TUBGCP6: variants seen among roughly 807,000 people sequenced by gnomAD.
The protein encoded by TUBGCP6 is gamma-tubulin complex component 6.
In TUBGCP6, 161 loss-of-function variants were observed where a neutral mutation model predicts 175.8. The ratio of observed to expected loss-of-function variants is 0.92; its 90% CI spans 0.81 to 1.04. The LOEUF is 1.04. Among genes scored for constraint, TUBGCP6 ranks in the 50% least tolerant of loss-of-function variants. TUBGCP6 has a pLI of 0.00. For synonymous variants in TUBGCP6, 1,173 were observed against 1,030.5 expected (o/e 1.14, Z -2.65); for missense variants, 2,572 against 2,433.0 (o/e 1.06, Z -1.20).
At chr22:50,231,859 C>CAAAAAAAAA in intron 3 of TUBGCP6, among the ~76,000 whole-genome samples, 1 of 123,074 alleles carries the variant, frequency 8.1e-6, no homozygotes, top group Non-Finnish European at 1.7e-5. Context: ...GACTCCGTCT[C>CAAAAAAAAA]AAAAAAAAAA....
chr22:50,241,325 G>A (rs566723287), intron 1 of TUBGCP6, among the ~76,000 whole-genome samples: 3 of 152,224 alleles, frequency 2.0e-5, no homozygotes, highest in Admixed American at 6.5e-5. Context: ...CTGGGAAGAC[G>A]CCCATTACCT....
intron 13 of TUBGCP6, 127 bp from the exon 14 acceptor site, chr22:50,222,719 A>T: frequency 7.4e-7 from 1 of 1,343,270 alleles, no homozygotes; most frequent in South Asian, 1.4e-5. Context: ...GTCTCCCCCT[A>T]CCAGGGGCTG....
At chr22:50,240,517 A>G (rs1046384307) in intron 1 of TUBGCP6, 150 bp from the exon 2 acceptor site, 29 of 981,220 alleles carry the variant, frequency 3.0e-5, no homozygotes, top group East Asian at 1.3e-4. Flanking sequence ...AATGTTTCCC[A>G]CCAATGAGCC....
At position 50,221,629 on chromosome 22, in the gene TUBGCP6, C is replaced by A. The variant is rs1342176671; in HGVS notation, c.2730G>T (p.Val910=). ...CCAGGAGAGGGACCATGCCAGTCTGCACGGACGGCTCAGCCCCTGGGCCCA... is the reference window on the plus strand; with the variant it reads ...CCAGGAGAGGGACCATGCCAGTCTGAACGGACGGCTCAGCCCCTGGGCCCA... ...LPVGPGAEPS[V]QTGMVPLLEV... is the part of the protein sequence containing the mutation. The change falls in exon 16 of 25, where the codon GTG becomes GTT. Residue 910 remains valine, a synonymous_variant. Coordinates refer to ENST00000248846, the MANE Select transcript of TUBGCP6 (RefSeq NM_020461.4). 6.5e-7 allele frequency: 1 copy of A among 1,538,258 alleles called. No homozygotes were observed. Among genetic ancestry groups the A allele is most frequent in the Non-Finnish European group, 8.8e-7 (1 of 1,141,948 alleles).
Position 50,244,139 on chromosome 22 carries a change from C to T in TUBGCP6, c.321G>A (p.Val107=), listed in dbSNP as rs1370880978. 1.2e-6 allele frequency: 2 copies of T among 1,613,536 alleles called. No individual in the cohort carries two copies. The highest frequency in any genetic ancestry group is 1.7e-6 in the Non-Finnish European group (2 of 1,180,040). Residue 107 remains valine (V), a synonymous_variant, in exon 1 of 25, where the codon GTG becomes GTA. Transcript: ENST00000248846. ...GAACCAGGAGGTCCAAAACAGACCC[C>T]ACCTCCAAAAGCGGACAGCAAGGGG... ...EAAPCCPLLE[V]GSVLDLLVQL... is the part of the protein sequence containing the mutation.
chr22:50,226,637 A>T, intron 7 of TUBGCP6, 96 bp downstream of exon 7: 2 of 1,120,598 alleles, frequency 1.8e-6, no homozygotes, highest in Non-Finnish European at 2.6e-6. Flanking sequence ...TTCCTGTGTG[A>T]CCCCCACATT....
rs769999591 is a variant in TUBGCP6 at position 50,220,683 on chromosome 22, C to T, written c.3676G>A (p.Gly1226Arg). Residue 1226 changes from glycine (G) to arginine (R), a missense_variant, in exon 16 of 25, where the codon GGG (glycine) becomes AGG (arginine). Transcript: ENST00000248846. Reference sequence around the variant, plus strand: ...GGAGCCACGTCCGATACGTTCTCCCCAACCCTGATGCTGGTGTCAGACACA... The same window carrying T: ...GGAGCCACGTCCGATACGTTCTCCCTAACCCTGATGCTGGTGTCAGACACA... ...GHVSDTSIRV[G>R]ENVSDVAPIR... The T allele has an allele frequency of 1.2e-6, 2 of 1,611,046 alleles. No individual in the cohort carries two copies. The highest frequency in any genetic ancestry group is 2.2e-5 in the East Asian group (1 of 44,676).
intron 1 of TUBGCP6, among the ~76,000 whole-genome samples, chr22:50,242,475 C>T (rs950805467): frequency 6.6e-6 from 1 of 152,080 alleles, no homozygotes; most frequent in South Asian, 2.1e-4. Flanking sequence ...CCAGCCTGGG[C>T]GACAGAGCAA....
At chr22:50,231,703 C>CA (rs1392872603) in intron 3 of TUBGCP6, among the ~76,000 whole-genome samples, 22 of 151,258 alleles carry the variant, frequency 1.5e-4, no homozygotes, top group African/African-American at 5.1e-4. Flanking sequence ...ACTAAAAATA[C>CA]AAAAAATTAG....
chr22:50,219,084 T>A lies in TUBGCP6; in HGVS notation c.4610A>T (p.Asp1537Val). The change falls in exon 20 of 25, where the codon GAC (aspartate) becomes GTC (valine). Residue 1537 changes from aspartate to valine, a missense_variant. By Grantham distance (152) the Asp-to-Val change is radical. Coordinates refer to ENST00000248846, the MANE Select transcript of TUBGCP6 (RefSeq NM_020461.4). ...GGAGGCCACCTTCTCAAAGAGCAGG[T>A]CGCTGAGGGACTGGGCGAACTCGCC... ...EDGEFAQSLS[D>V]LLFEKLGAGQ... 6.2e-7 allele frequency: 1 copy of A among 1,612,480 alleles called. No individual in the cohort carries two copies. The highest frequency in any genetic ancestry group is 8.5e-7 in the Non-Finnish European group (1 of 1,179,952).
rs780987973 is a variant in TUBGCP6 at position 50,225,840 on chromosome 22, C to A, written c.1937G>T (p.Arg646Leu). The stretch of plus-strand genomic sequence containing the variant: ...GCTGTGGCGGGCCACCCTCTCCATG[C>A]GCCCAACGTAGACGGCACAGTCCTT... ...IEKDCAVYVG[R>L]MERVARHSSV... The change falls in exon 10 of 25, where the codon CGC becomes CTC. Residue 646 changes from arginine (R) to leucine (L), a missense_variant. Physicochemically the swap from Arg to Leu is moderately radical, Grantham distance 102. Coordinates refer to ENST00000248846, the MANE Select transcript of TUBGCP6 (RefSeq NM_020461.4). 6.2e-7 allele frequency: 1 copy of A among 1,613,730 alleles called. No individual in the cohort carries two copies. The highest frequency in any genetic ancestry group is 8.5e-7 in the Non-Finnish European group (1 of 1,179,940).
rs1287499607 is a variant in TUBGCP6, at chr22:50,226,200, G to T, written c.1694-11C>A. 2 of 1,614,072 alleles carry T rather than the reference G, an allele frequency of 1.2e-6. No individual in the cohort carries two copies. The highest frequency in any genetic ancestry group is 2.2e-5 in the South Asian group (2 of 91,076). ...TCCAGTACAACTTATCTAAGGTAGG[G>T]TGAACACCACGGTGGCCGGCATGGC... is the stretch of plus-strand genomic sequence containing the variant. On this transcript the variant is annotated splice_polypyrimidine_tract_variant and intron_variant, in intron 8 of 24. Coordinates refer to ENST00000248846, the MANE Select transcript of TUBGCP6 (RefSeq NM_020461.4).
chr22:50,220,079 A>G, intron 16 of TUBGCP6, 64 bp from the exon 17 acceptor site: 1 of 1,570,916 alleles, frequency 6.4e-7, no homozygotes, highest in Non-Finnish European at 8.7e-7. Flanking sequence ...TACAGAGCCG[A>G]GCCGGCCCTG....
At chr22:50,243,611 C>G in intron 1 of TUBGCP6, 108 bp downstream of exon 1, 2 of 907,852 alleles carry the variant, frequency 2.2e-6, no homozygotes, top group East Asian at 2.9e-5. Context: ...GAGTGAGACA[C>G]TGTCTCAAAA....
chr22:50,242,546 T>C (rs964338155), intron 1 of TUBGCP6, among the ~76,000 whole-genome samples: 1 of 152,212 alleles, frequency 6.6e-6, no homozygotes, highest in Non-Finnish European at 1.5e-5. Flanking sequence ...TGTAGCATTA[T>C]GTATGTTTCT....
In TUBGCP6 at chr22:50,244,330, C is replaced by G; in HGVS notation, c.130G>C (p.Ala44Pro). 6.2e-7 allele frequency: 1 copy of G among 1,613,574 alleles called. No individual in the cohort carries two copies. The highest frequency in any genetic ancestry group is 8.5e-7 in the Non-Finnish European group (1 of 1,180,040). Reference sequence around the variant, plus strand: ...TCTTGAAAAAGATTTGTGAAAAGAGCATTGTAGGCCACCTTCTTGAGGCTC... The same window carrying G: ...TCTTGAAAAAGATTTGTGAAAAGAGGATTGTAGGCCACCTTCTTGAGGCTC... ...KRSLKKVAYN[A>P]LFTNLFQDET... is the part of the protein sequence containing the mutation. Residue 44 changes from alanine to proline, a missense_variant, in exon 1 of 25, where the codon GCT becomes CCT. By Grantham distance (27) the Ala-to-Pro change is conservative. Transcript: ENST00000248846.
In TUBGCP6 at chr22:50,227,020, G is replaced by A. The variant is rs749807041; in HGVS notation, c.1470C>T (p.Gly490=). 2 of 1,612,390 alleles carry A rather than the reference G, an allele frequency of 1.2e-6. No homozygotes were observed. Among genetic ancestry groups the A allele is most frequent in the Non-Finnish European group, 1.7e-6 (2 of 1,179,636 alleles). The change falls in exon 6 of 25, where the codon GGC becomes GGT. Residue 490 remains glycine (G), a synonymous_variant. Coordinates refer to ENST00000248846, the MANE Select transcript of TUBGCP6 (RefSeq NM_020461.4). ...GAVLPGTCGG[G]PRAAFPTGVK... ...TCACGGTGGGAAACGCGGCCCTGGGGCCTCCTCCACAGGTGCCCGGGAGCA... is the reference window on the plus strand; with the variant it reads ...TCACGGTGGGAAACGCGGCCCTGGGACCTCCTCCACAGGTGCCCGGGAGCA...
chr22:50,219,269 CA>C lies in TUBGCP6; in HGVS notation c.4484+18del. 1 of 1,605,394 alleles carries C rather than the reference CA, an allele frequency of 6.2e-7. No individual in the cohort carries two copies. Among genetic ancestry groups the C allele is most frequent in the South Asian group, 1.1e-5 (1 of 90,266 alleles). On this transcript the variant is annotated intron_variant, in intron 19 of 24. Transcript: ENST00000248846. ...GACGGGCTGGGTGGGCAGACTGGCG[CA>C]GGGGCAGGGGCACTCACTGGGCGGC...
Position 50,219,275 on chromosome 22 carries a change from C to T in TUBGCP6, c.4484+13G>A. On this transcript the variant is annotated intron_variant, in intron 19 of 24. Transcript: ENST00000248846. ...CTGGGTGGGCAGACTGGCGCAGGGG[C>T]AGGGGCACTCACTGGGCGGCCAGCG... 1.2e-6 allele frequency: 2 copies of T among 1,606,676 alleles called. No individual in the cohort carries two copies. The highest frequency in any genetic ancestry group is 2.2e-5 in the South Asian group (2 of 90,286).
Sources: gnomAD v4.1 joint callset for allele counts (sites outside exome capture counted in the v4.1 genomes callset) on GRCh38, gnomAD v4.1.1 for gene constraint, MANE v1.5 for transcripts, NCBI Gene and HGNC (gene_info 2026-07-23, HGNC 2026-07-21) for gene names.